Variants in HCN1 observed in about 807,000 individuals in gnomAD.
The protein encoded by HCN1 is hyperpolarization activated cyclic nucleotide gated potassium channel 1.
HCN1 carries 13 observed loss-of-function variants against 78.9 expected under a neutral mutation model. That is an observed-to-expected ratio of 0.16 (90% CI 0.11 to 0.26). The LOEUF (loss-of-function observed/expected upper bound fraction) is 0.26, where lower values mean the gene tolerates loss of function less well. Ranked by LOEUF, HCN1 falls within the 10% of genes least tolerant of loss-of-function variation. The pLI is 1.00. For missense variants in HCN1, 810 were observed against 1,154.3 expected (o/e 0.70, Z 4.32); for synonymous variants, 552 against 455.5 (o/e 1.21, Z -2.70).
chr5:45,405,972 A>G (rs1175850681), intron 3 of HCN1, among the ~76,000 whole-genome samples: 4 of 152,152 alleles, frequency 2.6e-5, no homozygotes, highest in Admixed American at 1.3e-4. Flanking sequence ...AATTTGCATT[A>G]AATAGACTTA....
chr5:45,428,751 A>G (rs968502648), intron 3 of HCN1, among the ~76,000 whole-genome samples: 1 of 152,118 alleles, frequency 6.6e-6, no homozygotes, highest in Non-Finnish European at 1.5e-5. Context: ...GCAAAAAGAT[A>G]GAAAGGCTGG....
At chr5:45,665,560 T>A (rs1019120317) in intron 1 of HCN1, among the ~76,000 whole-genome samples, 9 of 152,030 alleles carry the variant, frequency 5.9e-5, no homozygotes, top group African/African-American at 2.2e-4. Context: ...ACAGAAAACT[T>A]GTGAAGAAAT....
rs557342611 is a variant in HCN1 at position 45,624,141 on chromosome 5, T to C, written c.849+21044A>G. Among the ~76,000 whole-genome samples, 3 of 152,228 alleles carry C rather than the reference T, an allele frequency of 2.0e-5. No individual in the cohort carries two copies. The East Asian group carries it at 5.8e-4, about 29-fold the overall frequency. On this transcript the variant is annotated intron_variant, in intron 2 of 7. Transcript: ENST00000303230. ...ATGCAGGACCTTATGGGCCTCTTGATTAGATTAGAGGCCATTGGAACATTT... is the reference window on the plus strand; with the variant it reads ...ATGCAGGACCTTATGGGCCTCTTGACTAGATTAGAGGCCATTGGAACATTT...
chr5:45,671,537 A>G (rs1031155724), intron 1 of HCN1, among the ~76,000 whole-genome samples: 2 of 151,466 alleles, frequency 1.3e-5, no homozygotes, highest in African/African-American at 4.8e-5. Context: ...ATACATGGTT[A>G]CATATAGTTG....
At chr5:45,646,058 A>C (rs1580015342) in intron 1 of HCN1, among the ~76,000 whole-genome samples, 1 of 152,028 alleles carries the variant, frequency 6.6e-6, no homozygotes, top group Non-Finnish European at 1.5e-5. Flanking sequence ...AGAAAAAAAA[A>C]CCCAGAAATA....
chr5:45,660,450 A>C (rs1055308343), intron 1 of HCN1, among the ~76,000 whole-genome samples: 1 of 140,676 alleles, frequency 7.1e-6, no homozygotes, highest in South Asian at 2.5e-4. Context: ...TTCACACATA[A>C]CAATATTAAC....
At chr5:45,576,914 C>A (rs756034885) in intron 2 of HCN1, among the ~76,000 whole-genome samples, 1 of 151,984 alleles carries the variant, frequency 6.6e-6, no homozygotes, top group South Asian at 2.1e-4. Context: ...CTTTTATTTT[C>A]CCCTTCCCCA....
At chr5:45,526,631 T>C (rs1424528105) in intron 2 of HCN1, among the ~76,000 whole-genome samples, 1 of 152,110 alleles carries the variant, frequency 6.6e-6, no homozygotes, top group Non-Finnish European at 1.5e-5. Context: ...TTTCTAGAGA[T>C]ATCACTTATT....
intron 2 of HCN1, among the ~76,000 whole-genome samples, chr5:45,496,574 G>A (rs944664250): frequency 2.4e-4 from 37 of 152,058 alleles, no homozygotes; most frequent in African/African-American, 7.2e-4. Context: ...TTTTTATTGC[G>A]TCTATTTGAT....
At chr5:45,342,237 C>G (rs147203113) in intron 5 of HCN1, among the ~76,000 whole-genome samples, 1 of 150,562 alleles carries the variant, frequency 6.6e-6, no homozygotes, top group Non-Finnish European at 1.5e-5. Flanking sequence ...ATATTTCTTT[C>G]CTTTTTTTTT....
intron 2 of HCN1, among the ~76,000 whole-genome samples, chr5:45,470,140 GC>G (rs1371722853): frequency 2.0e-5 from 3 of 151,914 alleles, no homozygotes; most frequent in Non-Finnish European, 4.4e-5. Flanking sequence ...TCATGCATTG[GC>G]ACAGCATCTT....
intron 1 of HCN1, among the ~76,000 whole-genome samples, chr5:45,687,541 T>C (rs1739832361): frequency 6.6e-6 from 1 of 152,212 alleles, no homozygotes; most frequent in Non-Finnish European, 1.5e-5. Context: ...TTACTATTTT[T>C]TTCATAGCAA....
At chr5:45,687,781 C>T (rs1739836926) in intron 1 of HCN1, among the ~76,000 whole-genome samples, 1 of 152,118 alleles carries the variant, frequency 6.6e-6, no homozygotes, top group Admixed American at 6.6e-5. Context: ...TAATCACAGC[C>T]TCAATGTACA....
At chr5:45,661,730 A>T (rs1287136785) in intron 1 of HCN1, among the ~76,000 whole-genome samples, 26 of 48,440 alleles carry the variant, frequency 5.4e-4, no homozygotes, top group African/African-American at 2.0e-3. Context: ...TCCTCGACAC[A>T]TACACTCTCC....
At chr5:45,665,118 A>G (rs1746010016) in intron 1 of HCN1, among the ~76,000 whole-genome samples, 1 of 151,950 alleles carries the variant, frequency 6.6e-6, no homozygotes, top group Non-Finnish European at 1.5e-5. Context: ...CTATGTAGCC[A>G]TAAAAAATGA....
intron 5 of HCN1, among the ~76,000 whole-genome samples, chr5:45,325,466 C>A (rs1746217160): frequency 6.6e-6 from 1 of 151,488 alleles, no homozygotes; most frequent in Admixed American, 6.6e-5. Context: ...TCAAAGTCAA[C>A]AAATAAAACA....
chr5:45,409,190 A>C (rs187190611), intron 3 of HCN1, among the ~76,000 whole-genome samples: 3 of 152,208 alleles, frequency 2.0e-5, no homozygotes, highest in Admixed American at 6.5e-5. Context: ...TAAAAGAGCT[A>C]ATAAATAATA....
At chr5:45,383,287 T>C (rs550250290) in intron 4 of HCN1, among the ~76,000 whole-genome samples, 1 of 152,338 alleles carries the variant, frequency 6.6e-6, no homozygotes, top group Non-Finnish European at 1.5e-5. Flanking sequence ...GCATGTTTTA[T>C]TGCTACCACC....
chr5:45,453,345 T>C (rs747549202), intron 3 of HCN1, among the ~76,000 whole-genome samples: 3 of 152,124 alleles, frequency 2.0e-5, no homozygotes, highest in Non-Finnish European at 4.4e-5. Flanking sequence ...AACATTTTTA[T>C]GTGAAACGTA....
Sources: allele counts gnomAD v4.1 joint callset (sites outside exome capture counted in the v4.1 genomes callset), GRCh38; gene constraint gnomAD v4.1.1; transcripts MANE v1.5; gene names NCBI Gene and HGNC (gene_info 2026-07-23, HGNC 2026-07-21).